TBC1D8B: variants seen among roughly 807,000 people sequenced by gnomAD.
TBC1D8B encodes TBC1 domain family member 8B, also known as RP11-321G1.1.
In TBC1D8B, 75 loss-of-function variants were observed where a neutral mutation model predicts 82.9. That is an observed-to-expected ratio of 0.90 (90% confidence interval 0.75 to 1.10). The LOEUF (loss-of-function observed/expected upper bound fraction) is 1.10. Ranked by LOEUF, TBC1D8B falls within the 50% of genes least tolerant of loss-of-function variation. The pLI is 0.00. For synonymous variants in TBC1D8B, 276 were observed against 276.8 expected, an observed-to-expected ratio of 1.00 and a Z score of 0.03; for missense variants, 794 against 796.9, an observed-to-expected ratio of 1.00 and a Z score of 0.04.
intron 19 of TBC1D8B, among the ~76,000 whole-genome samples, 189 bp from the exon 20 acceptor site, chrX:106,870,525 TAA>T (rs1367707778): frequency 1.8e-5 from 2 of 111,733 alleles, no homozygotes; most frequent in Non-Finnish European, 3.8e-5. Flanking sequence ...CGTTTTAGTC[TAA>T]ACAGAAATGG....
intron 1 of TBC1D8B, among the ~76,000 whole-genome samples, chrX:106,818,219 C>CT (rs1023025264): frequency 9.0e-6 from 1 of 110,976 alleles, no homozygotes. Flanking sequence ...TACAACAGCC[C>CT]TTTGTAGTAG....
At chrX:106,865,494 C>A in intron 14 of TBC1D8B, 65 bp from the exon 15 acceptor site, 1 of 906,193 alleles carries the variant, frequency 1.1e-6, no homozygotes, top group South Asian at 2.7e-5. Context: ...TAAGGTAATT[C>A]AAAGAGAATT....
intron 7 of TBC1D8B, 172 bp downstream of exon 7, chrX:106,827,509 A>T: frequency 2.2e-6 from 1 of 453,993 alleles, no homozygotes; most frequent in Non-Finnish European, 3.6e-6. Flanking sequence ...CAGAAGTGAG[A>T]ATTAAGGACT....
intron 13 of TBC1D8B, among the ~76,000 whole-genome samples, 182 bp from the exon 14 acceptor site, chrX:106,854,016 G>A (rs1377182335): frequency 9.0e-6 from 1 of 111,495 alleles, no homozygotes; most frequent in Non-Finnish European, 1.9e-5. Flanking sequence ...ATTCTCTCCA[G>A]TGAATATATT....
rs1190665852 is a variant in TBC1D8B at position 106,853,547 on chromosome X, A to G, written c.2150A>G (p.Asp717Gly). 4 of 1,206,962 alleles carry G rather than the reference A, an allele frequency of 3.3e-6. No homozygotes were observed. Among genetic ancestry groups the G allele is most frequent in the Non-Finnish European group, 4.5e-6 (4 of 892,777 alleles). Residue 717 changes from aspartate (D) to glycine (G), a missense_variant, in exon 13 of 21, where the codon GAT becomes GGT. By Grantham distance (94) the Asp-to-Gly change is moderately conservative (BLOSUM62 -1). Transcript: ENST00000357242. ...NRFFDNVTNK[D>G]SPLPSNVQQG... ...TTCTTTGACAATGTCACTAATAAGG[A>G]TAGTCCATTGCCTTCAAATGTTCAG...
intron 11 of TBC1D8B, among the ~76,000 whole-genome samples, chrX:106,848,783 A>G (rs1409943422): frequency 9.1e-6 from 1 of 109,722 alleles, no homozygotes; most frequent in Non-Finnish European, 1.9e-5. Flanking sequence ...ATTTTATTTT[A>G]TTTTATTTTA....
At chrX:106,807,653 A>G (rs1197111033) in intron 1 of TBC1D8B, among the ~76,000 whole-genome samples, 3 of 111,235 alleles carry the variant, frequency 2.7e-5, no homozygotes, top group Non-Finnish European at 3.8e-5. Context: ...TTTAAAGGTA[A>G]TTTTTTACTT....
chrX:106,821,595 C>T (rs1035233274), intron 3 of TBC1D8B, among the ~76,000 whole-genome samples: 5 of 110,979 alleles, frequency 4.5e-5, no homozygotes, highest in East Asian at 2.8e-4. Flanking sequence ...TTCTGGCCGC[C>T]GCTGTAGATA....
intron 1 of TBC1D8B, among the ~76,000 whole-genome samples, chrX:106,809,878 C>A (rs1375640409): frequency 1.0e-5 from 1 of 97,247 alleles, no homozygotes; most frequent in Non-Finnish European, 2.0e-5. Flanking sequence ...GAGTGAGACT[C>A]CGTCTCAAAA....
intron 1 of TBC1D8B, 49 bp downstream of exon 1, chrX:106,803,032 T>A: frequency 8.8e-7 from 1 of 1,142,344 alleles, no homozygotes; most frequent in Non-Finnish European, 1.2e-6. Flanking sequence ...CGCTGTTACT[T>A]AAAAGGTGGT....
chrX:106,845,330 G>A (rs984666121), intron 10 of TBC1D8B, among the ~76,000 whole-genome samples: 1 of 108,555 alleles, frequency 9.2e-6, no homozygotes, highest in Admixed American at 9.9e-5. Flanking sequence ...TTAAGTTTTA[G>A]GGTACGTGTG....
intron 7 of TBC1D8B, 90 bp downstream of exon 7, chrX:106,827,427 C>T: frequency 1.0e-6 from 1 of 974,053 alleles, no homozygotes; most frequent in Non-Finnish European, 1.4e-6. Context: ...TAGTACCTTT[C>T]CTATTTATGC....
At chrX:106,816,013 C>A (rs1380529771) in intron 1 of TBC1D8B, among the ~76,000 whole-genome samples, 1 of 111,243 alleles carries the variant, frequency 9.0e-6, no homozygotes, top group African/African-American at 3.3e-5. Flanking sequence ...GACAGGGATG[C>A]CCTCTCTCAC....
chrX:106,825,548 A>C (rs1255896324), intron 5 of TBC1D8B, among the ~76,000 whole-genome samples: 1 of 111,147 alleles, frequency 9.0e-6, no homozygotes. Flanking sequence ...ATTTTACTTC[A>C]CTTAATTTTT....
In TBC1D8B at chrX:106,828,641, A is replaced by G. The variant is rs368262253; in HGVS notation, c.1203+1304A>G. 26 of 92,477 alleles carry G rather than the reference A, an allele frequency of 2.8e-4. 1 individual carries two copies. Among genetic ancestry groups the G allele is most frequent in the East Asian group, 3.5e-4 (1 of 2,837 alleles). The allele number at this position is 92,477 out of a possible 1,213,427, so 7.6% of individuals were successfully genotyped here. ...GGGATGCAAGGCTGGTTCAATATAC[A>G]CAAATCAATAAATGTAATCCAGCAT... On this transcript the variant is annotated intron_variant, in intron 7 of 20. Coordinates refer to ENST00000357242, the MANE Select transcript of TBC1D8B (RefSeq NM_017752.3).
At chrX:106,827,582 A>G (rs1462032699) in intron 7 of TBC1D8B, 1 of 298,802 alleles carries the variant, frequency 3.3e-6, no homozygotes, top group Non-Finnish European at 5.7e-6. Flanking sequence ...CTTTTACTCT[A>G]TTTGCTGTTT....
At position 106,874,785 on chromosome X, in the gene TBC1D8B, C is replaced by T. The variant is rs1027658226; in HGVS notation, c.*820C>T. The T allele has an allele frequency of 3.6e-5, 4 of 111,741 alleles. No homozygotes were observed. Among genetic ancestry groups the T allele is most frequent in the African/African-American group, 1.3e-4 (4 of 30,759 alleles). The allele number at this position is 111,741 out of a possible 1,213,427, so 9.2% of individuals were successfully genotyped here. ...CCGAGACATCACTAGAAATTCTGGG[C>T]ACTGCTGTTTGTGGTATTTGTCTCA... On this transcript the variant is annotated 3_prime_UTR_variant, in exon 21 of 21. Transcript: ENST00000357242.
intron 14 of TBC1D8B, among the ~76,000 whole-genome samples, chrX:106,863,189 T>C (rs778942429): frequency 8.9e-5 from 10 of 111,914 alleles, no homozygotes; most frequent in Non-Finnish European, 1.3e-4. Context: ...ACAGGTGGTG[T>C]ATACTGGCAG....
intron 14 of TBC1D8B, among the ~76,000 whole-genome samples, chrX:106,860,713 T>A (rs1465617934): frequency 1.8e-5 from 2 of 111,222 alleles, no homozygotes; most frequent in Non-Finnish European, 3.8e-5. Context: ...GGTTTTCATG[T>A]CTTGATTTCA....
Sources: allele counts gnomAD v4.1 joint callset (sites outside exome capture counted in the v4.1 genomes callset), GRCh38; gene constraint gnomAD v4.1.1; transcripts MANE v1.5; gene names NCBI Gene and HGNC (gene_info 2026-07-23, HGNC 2026-07-21).